Variants in KCNAB1 observed in about 807,000 individuals in gnomAD.
KCNAB1 encodes the protein potassium voltage-gated channel subfamily A regulatory beta subunit 1, also known as voltage-gated potassium channel subunit beta-1.
KCNAB1 carries 35 observed loss-of-function variants against 64.6 expected under a neutral mutation model. The ratio of observed to expected loss-of-function variants is 0.54; its 90% CI spans 0.41 to 0.72. The LOEUF is 0.72. KCNAB1 is among the 30% of genes least tolerant of loss of function. KCNAB1 has a pLI of 0.00. For synonymous variants in KCNAB1, 177 were observed against 183.8 expected (o/e 0.96, Z 0.30); for missense variants, 401 against 512.9 (o/e 0.78, Z 2.11).
At chr3:156,172,620 T>C (rs912887934) in intron 1 of KCNAB1, among the ~76,000 whole-genome samples, 14 of 152,082 alleles carry the variant, frequency 9.2e-5, no homozygotes, top group Non-Finnish European at 2.9e-5. Context: ...GATGGTGACA[T>C]GATTGGTTAC....
At position 156,179,565 on chromosome 3, in the gene KCNAB1, C is replaced by T. The variant is rs191735052; in HGVS notation, c.275+58679C>T. ...TTGGACTCCCTCAGAAGGCACCTGT[C>T]ATGGAGCTGAACTAGCTTCACTAAC... is the stretch of plus-strand genomic sequence containing the variant. On this transcript the variant is annotated intron_variant, in intron 1 of 13. Transcript: ENST00000490337. Among the ~76,000 whole-genome samples the T allele has an allele frequency of 2.0e-3, 302 of 152,058 alleles. 1 individual carries two copies. The highest frequency in any genetic ancestry group is 6.9e-3 in the African/African-American group (285 of 41,446).
chr3:156,410,293 C>T (rs557596769), intron 1 of KCNAB1, among the ~76,000 whole-genome samples: 3 of 152,204 alleles, frequency 2.0e-5, no homozygotes, highest in South Asian at 4.1e-4. Flanking sequence ...GGTAGAGTAC[C>T]GTGTTTGTGT....
At chr3:156,273,741 C>G (rs1481107882) in intron 1 of KCNAB1, 3 of 440,458 alleles carry the variant, frequency 6.8e-6, no homozygotes, top group African/African-American at 6.0e-5. Context: ...AGATAGTTGT[C>G]AGATTTGGTG....
rs757856229 is a variant in KCNAB1, at chr3:156,120,800, G to T, written c.189G>T (p.Leu63=). 2 of 1,614,252 alleles carry T rather than the reference G, an allele frequency of 1.2e-6. No individual in the cohort carries two copies. Among genetic ancestry groups the T allele is most frequent in the African/African-American group, 2.7e-5 (2 of 75,074 alleles). ...SQLRARQLAL[L]REVEMNWYLK... ...TCAGGGCGCGTCAACTGGCTCTGCT[G>T]CGCGAAGTGGAGATGAACTGGTACC... The change falls in exon 1 of 14, where the codon CTG becomes CTT. Residue 63 remains leucine, a synonymous_variant. Transcript: ENST00000490337.
intron 1 of KCNAB1, among the ~76,000 whole-genome samples, chr3:156,200,251 G>A (rs1714237914): frequency 6.6e-6 from 1 of 152,206 alleles, no homozygotes; most frequent in Non-Finnish European, 1.5e-5. Context: ...TGTATGAGGT[G>A]TCTGTTGACA....
At chr3:156,151,989 C>G (rs899891518) in intron 1 of KCNAB1, among the ~76,000 whole-genome samples, 5 of 152,142 alleles carry the variant, frequency 3.3e-5, no homozygotes, top group Non-Finnish European at 7.4e-5. Flanking sequence ...GCAAGTCCGC[C>G]TTGGGTTGGG....
intron 1 of KCNAB1, among the ~76,000 whole-genome samples, chr3:156,260,912 T>TA (rs1017490145): frequency 2.0e-5 from 3 of 151,670 alleles, no homozygotes; most frequent in African/African-American, 2.4e-5. Context: ...TTCCTCGTAC[T>TA]AAAAAAAAAT....
At chr3:156,377,817 C>A (rs749772343) in intron 1 of KCNAB1, among the ~76,000 whole-genome samples, 15 of 151,852 alleles carry the variant, frequency 9.9e-5, no homozygotes, top group Non-Finnish European at 1.9e-4. Context: ...TCCATAAGAA[C>A]AAGCTTAGCT....
chr3:156,372,649 A>G (rs1726391910), intron 1 of KCNAB1, among the ~76,000 whole-genome samples: 1 of 152,224 alleles, frequency 6.6e-6, no homozygotes, highest in South Asian at 2.1e-4. Context: ...GTGAGCTATC[A>G]TTTATAAGCT....
intron 7 of KCNAB1, among the ~76,000 whole-genome samples, chr3:156,467,171 A>G (rs887667312): frequency 6.6e-6 from 1 of 152,152 alleles, no homozygotes; most frequent in African/African-American, 2.4e-5. Context: ...TGTCACATGC[A>G]TTAATAATTT....
intron 1 of KCNAB1, among the ~76,000 whole-genome samples, chr3:156,210,441 G>A (rs1325530968): frequency 6.6e-6 from 1 of 152,142 alleles, no homozygotes; most frequent in Non-Finnish European, 1.5e-5. Context: ...ATGCTTTCTG[G>A]AGGTCAGAGG....
At chr3:156,483,216 T>C (rs1229719837) in intron 8 of KCNAB1, among the ~76,000 whole-genome samples, 2 of 152,028 alleles carry the variant, frequency 1.3e-5, no homozygotes, top group Admixed American at 6.6e-5. Context: ...CCCGGGTCAG[T>C]AGTATACTTG....
At chr3:156,172,562 G>A (rs1344532618) in intron 1 of KCNAB1, among the ~76,000 whole-genome samples, 1 of 152,162 alleles carries the variant, frequency 6.6e-6, no homozygotes, top group Non-Finnish European at 1.5e-5. Context: ...TTACAGGCGC[G>A]AGCCACCACA....
At chr3:156,382,006 T>C (rs899833825) in intron 1 of KCNAB1, 6 of 152,164 alleles carry the variant, frequency 3.9e-5, no homozygotes, top group African/African-American at 1.4e-4. Context: ...TCAAGAAACC[T>C]AACCTCATTT....
At chr3:156,320,923 T>C (rs78175481) in intron 1 of KCNAB1, among the ~76,000 whole-genome samples, 3 of 151,970 alleles carry the variant, frequency 2.0e-5, no homozygotes, top group South Asian at 2.1e-4. Flanking sequence ...TTTTTTTTTT[T>C]CTACATGTAT....
chr3:156,342,875 T>G (rs1724238102), intron 1 of KCNAB1, among the ~76,000 whole-genome samples: 1 of 151,990 alleles, frequency 6.6e-6, no homozygotes, highest in Non-Finnish European at 1.5e-5. Context: ...CCCGCTGAGG[T>G]GCACAAGAAT....
intron 1 of KCNAB1, among the ~76,000 whole-genome samples, chr3:156,327,740 T>C (rs1429974811): frequency 6.6e-6 from 1 of 152,132 alleles, no homozygotes; most frequent in Non-Finnish European, 1.5e-5. Flanking sequence ...AGCTGTATCT[T>C]GGAGTCAGGG....
At chr3:156,227,256 C>T (rs962183558) in intron 1 of KCNAB1, among the ~76,000 whole-genome samples, 1 of 152,144 alleles carries the variant, frequency 6.6e-6, no homozygotes. Flanking sequence ...ACAACGTGAA[C>T]TCCTTTTGAT....
intron 1 of KCNAB1, among the ~76,000 whole-genome samples, chr3:156,260,136 C>A (rs1718344258): frequency 1.3e-5 from 2 of 152,314 alleles, no homozygotes; most frequent in South Asian, 4.1e-4. Flanking sequence ...CTTTCTACAG[C>A]AGCTTGTAAT....
Sources: allele counts gnomAD v4.1 joint callset (sites outside exome capture counted in the v4.1 genomes callset), GRCh38; gene constraint gnomAD v4.1.1; transcripts MANE v1.5; gene names NCBI Gene and HGNC (gene_info 2026-07-23, HGNC 2026-07-21).